Variants in RBFA observed in about 807,000 individuals in gnomAD.
RBFA encodes the protein ribosome binding factor A, also known as putative ribosome-binding factor A, mitochondrial.
RBFA carries 16 observed loss-of-function variants against 27.9 expected under a neutral mutation model. The observed-to-expected ratio is 0.57, with a 90% CI of 0.39 to 0.87. The LOEUF (loss-of-function observed/expected upper bound fraction) is 0.87. Among genes scored for constraint, RBFA ranks in the 40% least tolerant of loss-of-function variants. The pLI is 0.00. For synonymous variants in RBFA, 181 were observed against 181.0 expected (o/e 1.00, Z 0.00); for missense variants, 456 against 432.1 (o/e 1.06, Z -0.49).
In RBFA at chr18:80,037,514, G is replaced by T. The variant is rs374507028; in HGVS notation, c.378+8G>T. ...AACGTGGAGCTCTCCAAGGTAGGCT[G>T]TGTGGCCAAAGAGAAGAAATGGGTT... On this transcript the variant is annotated splice_region_variant and intron_variant, in intron 3 of 6. Coordinates refer to ENST00000306735, the MANE Select transcript of RBFA (RefSeq NM_024805.3). 11 of 1,595,638 alleles carry T rather than the reference G, an allele frequency of 6.9e-6. No homozygotes were observed. Among genetic ancestry groups the T allele is most frequent in the East Asian group, 2.3e-5 (1 of 44,418 alleles).
chr18:80,043,649 A>G (rs2052031376), intron 5 of RBFA, among the ~76,000 whole-genome samples: 1 of 152,158 alleles, frequency 6.6e-6, no homozygotes, highest in Non-Finnish European at 1.5e-5. Flanking sequence ...ACACCCCCGG[A>G]GGCAGGGGAT....
chr18:80,044,781 G>C (rs1435583625), intron 6 of RBFA, among the ~76,000 whole-genome samples: 6 of 152,254 alleles, frequency 3.9e-5, no homozygotes, highest in Admixed American at 3.9e-4. Context: ...CAAACATGTA[G>C]TGCCTGACAG....
chr18:80,040,552 T>C (rs547439786), intron 4 of RBFA, among the ~76,000 whole-genome samples: 3 of 152,266 alleles, frequency 2.0e-5, no homozygotes, highest in Admixed American at 6.5e-5. Flanking sequence ...TGGCTCTTCT[T>C]GTATTTCAGT....
intron 4 of RBFA, among the ~76,000 whole-genome samples, chr18:80,040,344 G>A (rs2052008618): frequency 6.9e-6 from 1 of 144,644 alleles, no homozygotes; most frequent in African/African-American, 2.5e-5. Flanking sequence ...AACCTCCCAG[G>A]CTCAAGTGAT....
chr18:80,045,010 C>T (rs914759217), intron 6 of RBFA, among the ~76,000 whole-genome samples: 4 of 152,186 alleles, frequency 2.6e-5, no homozygotes, highest in East Asian at 3.9e-4. Context: ...AGTGTGGGGG[C>T]GGCAGGGCAG....
intron 6 of RBFA, 34 bp downstream of exon 6, chr18:80,044,319 G>GAATGTACCCCA: frequency 6.4e-7 from 1 of 1,570,912 alleles, no homozygotes; most frequent in Non-Finnish European, 8.8e-7. Flanking sequence ...TGATTCCCTG[G>GAATGTACCCCA]GGTACATTCC....
chr18:80,045,710 GCGA>G, intron 6 of RBFA, 61 bp from the exon 7 acceptor site: 3 of 1,476,932 alleles, frequency 2.0e-6, no homozygotes, highest in Non-Finnish European at 1.8e-6. Flanking sequence ...TTGTGTTGTG[GCGA>G]CGACACTGTG....
rs772579973 is a variant in RBFA, at chr18:80,042,211, C to T, written c.568C>T (p.Leu190=). Residue 190 remains leucine, a synonymous_variant, in exon 5 of 7, where the codon CTA becomes TTA. Coordinates refer to ENST00000306735, the MANE Select transcript of RBFA (RefSeq NM_024805.3). ...TGTTCAAGACAAGGGAAATGCAGCT[C>T]TAGCTGAGGTAAGGTTTTCAAAAAA... The part of the protein sequence containing the change: ...VFVQDKGNAA[L]AELDQLLAVA... 1.3e-6 allele frequency: 2 copies of T among 1,599,764 alleles called. No individual in the cohort carries two copies. Among genetic ancestry groups the T allele is most frequent in the Non-Finnish European group, 1.7e-6 (2 of 1,173,182 alleles).
chr18:80,043,255 G>A (rs2052028663), intron 5 of RBFA, among the ~76,000 whole-genome samples: 1 of 152,200 alleles, frequency 6.6e-6, no homozygotes, highest in South Asian at 2.1e-4. Flanking sequence ...CTGTTGTTCA[G>A]TATAGGACCA....
intron 4 of RBFA, among the ~76,000 whole-genome samples, chr18:80,040,322 T>C (rs1192750218): frequency 7.1e-6 from 1 of 140,100 alleles, no homozygotes; most frequent in Non-Finnish European, 1.5e-5. Context: ...CAATCTTGGC[T>C]CCTGCAGCCT....
rs1267458917 is a variant in RBFA, at chr18:80,044,256, A to C, written c.621A>C (p.Glu207Asp). 12 of 1,614,166 alleles carry C rather than the reference A, an allele frequency of 7.4e-6. No homozygotes were observed. The highest frequency in any genetic ancestry group is 1.0e-5 in the Non-Finnish European group (12 of 1,179,994). Residue 207 changes from glutamate (E) to aspartate (D), a missense_variant, in exon 6 of 7, where the codon GAA becomes GAC. By Grantham distance (45) the Glu-to-Asp change is conservative. Coordinates refer to ENST00000306735, the MANE Select transcript of RBFA (RefSeq NM_024805.3). The part of the protein sequence containing the change: ...LAVADFGPRD[E>D]RDNFVQNDFR... ...TCGCAGACTTTGGACCCCGGGATGA[A>C]AGAGACAACTTTGTACAAAATGATT...
chr18:80,037,860 C>T (rs2051991209), intron 3 of RBFA, among the ~76,000 whole-genome samples: 1 of 150,768 alleles, frequency 6.6e-6, no homozygotes, highest in African/African-American at 2.4e-5. Context: ...CTGCACTCCA[C>T]CCTGGGTGAC....
In RBFA at chr18:80,039,920, A is replaced by G. The variant is rs184033803; in HGVS notation, c.491+1303A>G. Among the ~76,000 whole-genome samples, 7 of 152,184 alleles carry G rather than the reference A, an allele frequency of 4.6e-5. No individual in the cohort carries two copies. The East Asian group carries it at 1.4e-3, about 29-fold the overall frequency. ...CCTCATTGCAACTATTTATATGTTTATTTATTTGAGATGGAGTCTTGCTCT... is the reference window on the plus strand; with the variant it reads ...CCTCATTGCAACTATTTATATGTTTGTTTATTTGAGATGGAGTCTTGCTCT... On this transcript the variant is annotated intron_variant, in intron 4 of 6. Coordinates refer to ENST00000306735, the MANE Select transcript of RBFA (RefSeq NM_024805.3).
intron 1 of RBFA, chr18:80,035,885 C>G (rs1254113677): frequency 1.3e-5 from 2 of 152,154 alleles, no homozygotes; most frequent in South Asian, 4.1e-4. Flanking sequence ...GTTTGCATAC[C>G]CTGTCATTGT....
In RBFA at chr18:80,034,500, G is replaced by A; in HGVS notation, c.5G>A (p.Trp2Ter). The A allele has an allele frequency of 6.4e-7, 1 of 1,567,090 alleles. No homozygotes were observed. The highest frequency in any genetic ancestry group is 2.5e-5 in the East Asian group (1 of 39,870). The change falls in exon 1 of 7, where the codon TGG (tryptophan) becomes TAG (stop). Residue 2 changes from tryptophan (W) to a stop codon, truncating the protein, a stop_gained. Coordinates refer to ENST00000306735, the MANE Select transcript of RBFA (RefSeq NM_024805.3). LOFTEE classifies it high-confidence loss of function. The part of the protein sequence containing the change: M[W>*]AAAGGLWRSR... ...TCCGGGTCCCGGCGCCGCGCCATGT[G>A]GGCTGCGGCGGGCGGGCTGTGGCGC...
rs1339715628 is a variant in RBFA at position 80,045,777 on chromosome 18, C to A, written c.654C>A (p.Asp218Glu). 1.3e-6 allele frequency: 2 copies of A among 1,511,150 alleles called. No individual in the cohort carries two copies. The highest frequency in any genetic ancestry group is 1.8e-6 in the Non-Finnish European group (2 of 1,130,462). The allele number at this position is 1,511,150 out of a possible 1,614,324, so 93.6% of individuals were successfully genotyped here. A position where few individuals can be genotyped will look rare whatever the true frequency, so the allele number is the denominator to read the frequency against. The change falls in exon 7 of 7, where the codon GAC becomes GAA. Residue 218 changes from aspartate to glutamate, a missense_variant. Asp to Glu is a conservative substitution (Grantham distance 45). Coordinates refer to ENST00000306735, the MANE Select transcript of RBFA (RefSeq NM_024805.3). ...RDNFVQNDFRDPDAPQPCGTT... is the reference protein window; with the variant it reads ...RDNFVQNDFREPDAPQPCGTT... Reference sequence around the variant, plus strand: ...GAAGCCTCTTCTTCCTTCCCAGGGACCCTGATGCCCCACAACCCTGCGGCA... The same window carrying A: ...GAAGCCTCTTCTTCCTTCCCAGGGAACCTGATGCCCCACAACCCTGCGGCA...
chr18:80,044,206 CTG>C lies in RBFA; in HGVS notation c.577-4_577-3del. Reference sequence around the variant, plus strand: ...TAACGGGTTTACCCTCTGTGTTCCTCTGTAGCTTGATCAGTTACTGGCAGTCG... The same window carrying C: ...TAACGGGTTTACCCTCTGTGTTCCTCTAGCTTGATCAGTTACTGGCAGTCG... On this transcript the variant is annotated splice_polypyrimidine_tract_variant and splice_region_variant and intron_variant, in intron 5 of 6. Coordinates refer to ENST00000306735, the MANE Select transcript of RBFA (RefSeq NM_024805.3). 2 of 1,613,852 alleles carry C rather than the reference CTG, an allele frequency of 1.2e-6. No homozygotes were observed. Among genetic ancestry groups the C allele is most frequent in the Non-Finnish European group, 1.7e-6 (2 of 1,179,682 alleles).
At chr18:80,044,360 C>T in intron 6 of RBFA, 75 bp downstream of exon 6, 1 of 1,311,174 alleles carries the variant, frequency 7.6e-7, no homozygotes. Context: ...TCCAGAGCAG[C>T]TGCCCAGCGC....
At chr18:80,040,239 A>ATTTTTTTTTTTTTTTTTTTTTT (rs71338083) in intron 4 of RBFA, among the ~76,000 whole-genome samples, 75 of 91,414 alleles carry the variant, frequency 8.2e-4, no homozygotes, top group East Asian at 1.4e-3. Flanking sequence ...GGAGGCCTGA[A>ATTTTTTTTTTTTTTTTTTTTTT]TTTTTTTTTT....
Sources: allele counts gnomAD v4.1 joint callset (sites outside exome capture counted in the v4.1 genomes callset), GRCh38; gene constraint gnomAD v4.1.1; transcripts MANE v1.5; gene names NCBI Gene and HGNC (gene_info 2026-07-23, HGNC 2026-07-21).